Variants in MARCHF1 observed in about 807,000 individuals in gnomAD.
MARCHF1 encodes membrane associated ring-CH-type finger 1.
A neutral mutation model predicts 54.2 loss-of-function variants in MARCHF1; 40 were observed. The observed-to-expected ratio is 0.74, with a 90% confidence interval of 0.57 to 0.96. The LOEUF (loss-of-function observed/expected upper bound fraction) is 0.96, where lower values mean the gene tolerates loss of function less well. Among genes scored for constraint, MARCHF1 ranks in the 40% least tolerant of loss-of-function variants. The pLI, the probability that MARCHF1 is intolerant of heterozygous loss-of-function variation, is 0.00. For missense variants in MARCHF1, 586 were observed against 656.5 expected, an observed-to-expected ratio of 0.89 and a Z score of 1.17; for synonymous variants, 236 against 236.3, an observed-to-expected ratio of 1.00 and a Z score of 0.01.
intron 7 of MARCHF1, 141 bp downstream of exon 7, chr4:163,612,130 T>C: frequency 1.3e-6 from 1 of 747,280 alleles, no homozygotes; most frequent in Non-Finnish European, 2.0e-6. Flanking sequence ...CATACCCACC[T>C]TTTCTCCTTT....
chr4:164,049,540 G>A (rs1754314786), intron 2 of MARCHF1, among the ~76,000 whole-genome samples: 1 of 151,958 alleles, frequency 6.6e-6, no homozygotes. Context: ...GTTCATGGCT[G>A]ATACAAAACA....
intron 4 of MARCHF1, among the ~76,000 whole-genome samples, chr4:163,719,947 A>G (rs1478039855): frequency 6.6e-6 from 1 of 152,086 alleles, no homozygotes; most frequent in African/African-American, 2.4e-5. Context: ...AGATTAGTAG[A>G]TTGCAAACAT....
At chr4:164,112,553 A>G (rs979950071) in intron 1 of MARCHF1, among the ~76,000 whole-genome samples, 1 of 151,958 alleles carries the variant, frequency 6.6e-6, no homozygotes. Flanking sequence ...ACATTTTCAT[A>G]TCAGAGTTGT....
intron 1 of MARCHF1, among the ~76,000 whole-genome samples, chr4:164,202,291 C>T (rs748011874): frequency 1.5e-4 from 23 of 152,110 alleles, no homozygotes; most frequent in Non-Finnish European, 2.8e-4. Flanking sequence ...AGTCAGAGGA[C>T]ATAATCTATA....
At chr4:163,707,924 T>C (rs947253601) in intron 4 of MARCHF1, among the ~76,000 whole-genome samples, 5 of 151,882 alleles carry the variant, frequency 3.3e-5, no homozygotes, top group Non-Finnish European at 7.4e-5. Context: ...TGTTGTGCCA[T>C]CTGACTCCCT....
At chr4:164,125,224 T>C (rs1756153817) in intron 1 of MARCHF1, among the ~76,000 whole-genome samples, 1 of 151,940 alleles carries the variant, frequency 6.6e-6, no homozygotes, top group Non-Finnish European at 1.5e-5. Flanking sequence ...GTAAATATAC[T>C]TATGGAGAAA....
chr4:163,725,800 C>T (rs903569042), intron 4 of MARCHF1, among the ~76,000 whole-genome samples: 1 of 152,076 alleles, frequency 6.6e-6, no homozygotes, highest in Non-Finnish European at 1.5e-5. Context: ...CGTTAGGTAC[C>T]TGTCCTGAAA....
intron 4 of MARCHF1, among the ~76,000 whole-genome samples, chr4:163,809,756 A>G (rs1748331508): frequency 6.6e-6 from 1 of 152,196 alleles, no homozygotes; most frequent in Admixed American, 6.5e-5. Flanking sequence ...ACACAAATAT[A>G]TTTATGTGAC....
At chr4:164,279,885 T>C (rs1733983021) in intron 1 of MARCHF1, among the ~76,000 whole-genome samples, 2 of 151,714 alleles carry the variant, frequency 1.3e-5, no homozygotes, top group Non-Finnish European at 1.5e-5. Flanking sequence ...AAATTATAAA[T>C]AGAATATTAT....
chr4:163,589,094 T>C (rs1579089244), intron 7 of MARCHF1, among the ~76,000 whole-genome samples: 1 of 146,474 alleles, frequency 6.8e-6, no homozygotes, highest in African/African-American at 2.5e-5. Context: ...AAACTGCAGG[T>C]AATGCTATCA....
intron 1 of MARCHF1, among the ~76,000 whole-genome samples, chr4:164,171,436 A>T (rs926320510): frequency 7.2e-5 from 11 of 152,310 alleles, no homozygotes; most frequent in African/African-American, 2.6e-4. Flanking sequence ...TTGAAAGTGT[A>T]TGGCTTGGTG....
chr4:164,288,821 G>A (rs1369587383), intron 1 of MARCHF1, among the ~76,000 whole-genome samples: 2 of 151,896 alleles, frequency 1.3e-5, no homozygotes, highest in Non-Finnish European at 2.9e-5. Context: ...AGAGTTTTCC[G>A]ACTTTAATCT....
chr4:164,268,250 G>C (rs1219882834), intron 1 of MARCHF1, among the ~76,000 whole-genome samples: 1 of 152,096 alleles, frequency 6.6e-6, no homozygotes, highest in Non-Finnish European at 1.5e-5. Flanking sequence ...AATTGTGCTG[G>C]ATGGCCACTT....
chr4:163,597,979 T>C (rs954507156), intron 7 of MARCHF1, among the ~76,000 whole-genome samples: 1 of 152,166 alleles, frequency 6.6e-6, no homozygotes, highest in Non-Finnish European at 1.5e-5. Flanking sequence ...TATTGTCTGC[T>C]CCCCTCCTCC....
At chr4:163,761,035 G>A (rs1403633480) in intron 4 of MARCHF1, among the ~76,000 whole-genome samples, 2 of 152,120 alleles carry the variant, frequency 1.3e-5, no homozygotes, top group African/African-American at 4.8e-5. Flanking sequence ...TACACCCAAT[G>A]AGATAAACAT....
intron 1 of MARCHF1, among the ~76,000 whole-genome samples, chr4:164,220,692 GCT>G (rs1222495771): frequency 1.4e-4 from 17 of 118,960 alleles, no homozygotes; most frequent in Admixed American, 2.9e-4. Context: ...TAATATATAT[GCT>G]ATATATGTAT....
chr4:163,594,385 C>T (rs1017618931), intron 7 of MARCHF1, among the ~76,000 whole-genome samples: 5 of 151,210 alleles, frequency 3.3e-5, no homozygotes, highest in Admixed American at 6.6e-5. Context: ...AATAATACCA[C>T]ATTATTATTA....
At chr4:163,812,708 A>C (rs1748426624) in intron 4 of MARCHF1, among the ~76,000 whole-genome samples, 2 of 152,206 alleles carry the variant, frequency 1.3e-5, no homozygotes, top group South Asian at 4.1e-4. Context: ...CAGTAAGCAG[A>C]GACTGTGCCA....
At chr4:164,312,319 C>CTTTTTTT (rs34613860) in intron 1 of MARCHF1, among the ~76,000 whole-genome samples, 1,646 of 103,140 alleles carry the variant, frequency 0.016, 8 homozygotes, top group Non-Finnish European at 0.023. Flanking sequence ...TTTTCTTTTT[C>CTTTTTTT]TTTTTTTTTT....
Sources: allele counts gnomAD v4.1 joint callset (sites outside exome capture counted in the v4.1 genomes callset), GRCh38; gene constraint gnomAD v4.1.1; transcripts MANE v1.5; gene names NCBI Gene and HGNC (gene_info 2026-07-23, HGNC 2026-07-21).